Variants in OXSR1 observed in about 807,000 individuals in gnomAD.
The protein encoded by OXSR1 is oxidative stress responsive kinase 1, also known as serine/threonine-protein kinase OSR1.
In OXSR1, 24 loss-of-function variants were observed where a neutral mutation model predicts 79.8. The observed-to-expected ratio is 0.30, with a 90% CI of 0.22 to 0.42. The LOEUF is 0.42. Among genes scored for constraint, OXSR1 ranks in the 10% least tolerant of loss-of-function variants. OXSR1 has a pLI of 1.00. For missense variants in OXSR1, 430 were observed against 618.4 expected (o/e 0.70, Z 3.23); for synonymous variants, 226 against 209.2 (o/e 1.08, Z -0.69).
At chr3:38,209,332 C>T (rs1269278526) in intron 4 of OXSR1, among the ~76,000 whole-genome samples, 2 of 151,938 alleles carry the variant, frequency 1.3e-5, no homozygotes, top group Non-Finnish European at 2.9e-5. Flanking sequence ...AATTCTCCTG[C>T]CTCAGACTCC....
intron 3 of OXSR1, among the ~76,000 whole-genome samples, chr3:38,193,911 A>AT (rs1326820001): frequency 1.3e-5 from 2 of 152,116 alleles, no homozygotes; most frequent in South Asian, 2.1e-4. Context: ...AAAATTTTGC[A>AT]TTTTTTTAGG....
At position 38,165,954 on chromosome 3, in the gene OXSR1, C is replaced by G. The variant is rs1377502844; in HGVS notation, c.70+8C>G. 2 of 1,608,706 alleles carry G rather than the reference C, an allele frequency of 1.2e-6. No homozygotes were observed. The highest frequency in any genetic ancestry group is 2.7e-5 in the African/African-American group (2 of 74,820). ...AGCTGCAGGAGGTGATCGGTGAGAG[C>G]AGGCGCTGCGGAGGGGGGAGGCGCG... On this transcript the variant is annotated splice_region_variant and intron_variant, in intron 1 of 17. Transcript: ENST00000311806.
intron 3 of OXSR1, among the ~76,000 whole-genome samples, chr3:38,192,131 T>G (rs1390259857): frequency 6.6e-6 from 1 of 152,196 alleles, no homozygotes; most frequent in African/African-American, 2.4e-5. Context: ...AGTATTATTA[T>G]AGACCCAAGG....
intron 1 of OXSR1, among the ~76,000 whole-genome samples, chr3:38,166,789 CAAA>C (rs915290107): frequency 1.7e-4 from 11 of 63,786 alleles, no homozygotes; most frequent in Admixed American, 1.7e-4. Flanking sequence ...GACTCTGACT[CAAA>C]AAAAAAAAAA....
intron 4 of OXSR1, among the ~76,000 whole-genome samples, chr3:38,210,174 C>T (rs1026302257): frequency 5.9e-5 from 9 of 151,692 alleles, no homozygotes; most frequent in Non-Finnish European, 1.2e-4. Flanking sequence ...GTTCTTTTTC[C>T]TCTGACATCT....
chr3:38,193,289 C>G, intron 3 of OXSR1: 2 of 1,289,672 alleles, frequency 1.6e-6, no homozygotes, highest in Non-Finnish European at 2.0e-6. Flanking sequence ...TAGTGACACA[C>G]TGGAGAAACT....
At chr3:38,168,981 G>C (rs1489927095) in intron 1 of OXSR1, among the ~76,000 whole-genome samples, 1 of 152,180 alleles carries the variant, frequency 6.6e-6, no homozygotes, top group Non-Finnish European at 1.5e-5. Context: ...TGTATACCCA[G>C]GAGTGGAATT....
chr3:38,252,520 C>G, intron 17 of OXSR1, 128 bp downstream of exon 17: 2 of 764,140 alleles, frequency 2.6e-6, no homozygotes, highest in South Asian at 2.9e-5. Flanking sequence ...ATTTAGCCTC[C>G]CCAGTGCCCT....
At chr3:38,217,801 G>A (rs1702513009) in intron 5 of OXSR1, among the ~76,000 whole-genome samples, 1 of 152,066 alleles carries the variant, frequency 6.6e-6, no homozygotes, top group African/African-American at 2.4e-5. Flanking sequence ...CCAGCCATGG[G>A]TGACCACCAT....
chr3:38,249,994 C>T lies in OXSR1; in HGVS notation c.1351C>T (p.Arg451Ter), dbSNP rs1435130969. 3.1e-6 allele frequency: 5 copies of T among 1,592,668 alleles called. No homozygotes were observed. Among genetic ancestry groups the T allele is most frequent in the Non-Finnish European group, 4.3e-6 (5 of 1,163,216 alleles). Residue 451 changes from arginine (R) to a stop codon, truncating the protein, a stop_gained, in exon 15 of 18, where the codon CGA becomes TGA. Coordinates refer to ENST00000311806, the MANE Select transcript of OXSR1 (RefSeq NM_005109.3). LOFTEE classifies it high-confidence loss of function. ...TTCCAAAAAAGAACTAAATGATATT[C>T]GATTTGAATTTACTCCTGGGAGAGG... Reference protein sequence around the residue: ...RNSKKELNDIRFEFTPGRDTA... With the variant: ...RNSKKELNDI
chr3:38,200,209 A>C (rs1702139269), intron 4 of OXSR1, among the ~76,000 whole-genome samples: 1 of 152,018 alleles, frequency 6.6e-6, no homozygotes, highest in Non-Finnish European at 1.5e-5. Flanking sequence ...CACCTATTAG[A>C]TTTCTGCTGG....
chr3:38,197,664 A>G (rs902680539), intron 3 of OXSR1, among the ~76,000 whole-genome samples: 1 of 152,168 alleles, frequency 6.6e-6, no homozygotes, highest in Non-Finnish European at 1.5e-5. Context: ...TTACCAAGTT[A>G]GTGGATTTTA....
upstream of OXSR1, chr3:38,165,391 T>G (rs927005224): frequency 2.5e-5 from 4 of 162,306 alleles, no homozygotes; most frequent in African/African-American, 9.6e-5. Flanking sequence ...CACCGCGAAC[T>G]CCTACCTTCT....
intron 8 of OXSR1, among the ~76,000 whole-genome samples, chr3:38,229,196 T>C (rs969593091): frequency 3.9e-5 from 6 of 152,192 alleles, no homozygotes; most frequent in Non-Finnish European, 7.4e-5. Context: ...TTGTGAAATC[T>C]GTTTTTAGGG....
chr3:38,198,774 T>G lies in OXSR1; in HGVS notation c.345T>G (p.Ser115Arg). The change falls in exon 4 of 18, where the codon AGT becomes AGG. Residue 115 changes from serine to arginine, a missense_variant. By Grantham distance (110) the Ser-to-Arg change is moderately radical. Around this residue, in one of 3 missense-constraint regions of OXSR1, gnomAD observed 145 missense variants for 228.3 expected, o/e 0.64. Coordinates refer to ENST00000311806, the MANE Select transcript of OXSR1 (RefSeq NM_005109.3). ...TTGTGGCAAAAGGGGAACACAAAAG[T>G]GGAGTCCTAGATGAATCTACCATTG... is the stretch of plus-strand genomic sequence containing the variant. ...KHIVAKGEHK[S>R]GVLDESTIAT... 2 of 1,613,098 alleles carry G rather than the reference T, an allele frequency of 1.2e-6. No homozygotes were observed. Among genetic ancestry groups the G allele is most frequent in the Non-Finnish European group, 1.7e-6 (2 of 1,179,122 alleles).
At chr3:38,175,994 G>A (rs1452229624) in intron 1 of OXSR1, among the ~76,000 whole-genome samples, 1 of 152,160 alleles carries the variant, frequency 6.6e-6, no homozygotes, top group Non-Finnish European at 1.5e-5. Flanking sequence ...CATTAGGGAA[G>A]TAGCTATCAC....
chr3:38,188,276 G>A (rs1575319592), intron 2 of OXSR1, among the ~76,000 whole-genome samples: 1 of 151,988 alleles, frequency 6.6e-6, no homozygotes, highest in Non-Finnish European at 1.5e-5. Context: ...TTCCCTATCA[G>A]TTAGTCACCA....
At chr3:38,174,808 G>A (rs969605991) in intron 1 of OXSR1, among the ~76,000 whole-genome samples, 1 of 152,204 alleles carries the variant, frequency 6.6e-6, no homozygotes, top group African/African-American at 2.4e-5. Flanking sequence ...AGAGCATCTG[G>A]AAGAATGGAG....
intron 1 of OXSR1, among the ~76,000 whole-genome samples, chr3:38,179,320 G>A (rs771063393): frequency 4.0e-5 from 6 of 151,724 alleles, no homozygotes; most frequent in African/African-American, 7.3e-5. Context: ...ATGAGCTCCC[G>A]CCCTGGCCTG....
Sources: allele counts gnomAD v4.1 joint callset (sites outside exome capture counted in the v4.1 genomes callset), GRCh38; gene constraint gnomAD v4.1.1; regional missense constraint gnomAD v4.1.1; transcripts MANE v1.5; gene names NCBI Gene and HGNC (gene_info 2026-07-23, HGNC 2026-07-21).